Variants in ROBO2 observed in about 807,000 individuals in gnomAD.
ROBO2 encodes roundabout homolog 2.
A neutral mutation model predicts 160.8 loss-of-function variants in ROBO2; 53 were observed. The observed-to-expected ratio is 0.33, with a 90% CI of 0.26 to 0.41. The LOEUF is 0.41. Among genes scored for constraint, ROBO2 ranks in the 10% least tolerant of loss-of-function variants. The pLI, the probability that ROBO2 is intolerant of heterozygous loss-of-function variation, is 1.00. For synonymous variants in ROBO2, 664 were observed against 611.7 expected (o/e 1.09, Z -1.26); for missense variants, 1,577 against 1,722.4 (o/e 0.92, Z 1.49).
intron 2 of ROBO2, among the ~76,000 whole-genome samples, chr3:76,592,434 T>C (rs1225580381): frequency 6.6e-6 from 1 of 152,100 alleles, no homozygotes; most frequent in Non-Finnish European, 1.5e-5. Flanking sequence ...CATCCATACA[T>C]ATTTGCTATG....
chr3:76,392,678 A>G (rs1362411350), intron 2 of ROBO2, among the ~76,000 whole-genome samples: 2 of 152,210 alleles, frequency 1.3e-5, no homozygotes, highest in East Asian at 1.9e-4. Flanking sequence ...TCATGAAACA[A>G]TAAAGAATAA....
chr3:76,265,426 A>G (rs1707038131), intron 2 of ROBO2, among the ~76,000 whole-genome samples: 1 of 152,168 alleles, frequency 6.6e-6, no homozygotes, highest in Admixed American at 6.6e-5. Flanking sequence ...CAGGCTTGAG[A>G]CATTTATTAA....
At chr3:77,228,854 G>A (rs1466875878) in intron 2 of ROBO2, among the ~76,000 whole-genome samples, 2 of 152,160 alleles carry the variant, frequency 1.3e-5, no homozygotes, top group African/African-American at 4.8e-5. Flanking sequence ...CTGCTGAAAT[G>A]CTCAAGTCCA....
intron 24 of ROBO2, among the ~76,000 whole-genome samples, chr3:77,636,020 G>T (rs1220596876): frequency 2.6e-5 from 4 of 152,084 alleles, no homozygotes; most frequent in Non-Finnish European, 5.9e-5. Context: ...AAGGGACAAG[G>T]TTCTCTCTGG....
chr3:76,442,707 G>T (rs2076982427), intron 2 of ROBO2, among the ~76,000 whole-genome samples: 1 of 152,082 alleles, frequency 6.6e-6, no homozygotes, highest in Non-Finnish European at 1.5e-5. Flanking sequence ...ACTCCATTCT[G>T]CCCGGTTAGT....
At chr3:76,063,521 T>A (rs1163393409) in intron 2 of ROBO2, among the ~76,000 whole-genome samples, 2 of 151,920 alleles carry the variant, frequency 1.3e-5, no homozygotes, top group African/African-American at 2.4e-5. Flanking sequence ...TTTTATTTTT[T>A]TTTTTGTAGA....
intron 2 of ROBO2, among the ~76,000 whole-genome samples, chr3:77,124,003 A>C (rs1257209222): frequency 1.3e-5 from 2 of 151,098 alleles, no homozygotes; most frequent in African/African-American, 4.9e-5. Context: ...CTATATAGAT[A>C]TATATATGTT....
intron 2 of ROBO2, among the ~76,000 whole-genome samples, chr3:76,709,452 G>C (rs267162): frequency 5.2e-4 from 79 of 152,150 alleles, no homozygotes; most frequent in African/African-American, 1.7e-3. Flanking sequence ...GGAAGGAAAA[G>C]CTTCTTCAGA....
At chr3:76,709,971 C>T (rs2093255784) in intron 2 of ROBO2, among the ~76,000 whole-genome samples, 2 of 151,906 alleles carry the variant, frequency 1.3e-5, no homozygotes, top group South Asian at 4.2e-4. Context: ...GATCTCAACA[C>T]AACTTTAGAG....
At chr3:76,327,878 A>G (rs1256868543) in intron 2 of ROBO2, among the ~76,000 whole-genome samples, 1 of 151,016 alleles carries the variant, frequency 6.6e-6, no homozygotes, top group African/African-American at 2.4e-5. Context: ...AAGAATGTGA[A>G]AAAAAAAAGT....
At chr3:77,398,400 AACAATCAGAGAGAT>A (rs988959617) in intron 2 of ROBO2, among the ~76,000 whole-genome samples, 1 of 53,008 alleles carries the variant, frequency 1.9e-5, no homozygotes, top group South Asian at 6.3e-4. Flanking sequence ...TTGTTCTTGA[AACAATCAGAGAGAT>A]ACAATCAGAG....
At chr3:77,104,673 T>C (rs1245704569) in intron 2 of ROBO2, among the ~76,000 whole-genome samples, 1 of 151,994 alleles carries the variant, frequency 6.6e-6, no homozygotes, top group Non-Finnish European at 1.5e-5. Context: ...AAGTGTAGAT[T>C]AAATGATATT....
intron 2 of ROBO2, among the ~76,000 whole-genome samples, chr3:77,162,264 G>C (rs1045741417): frequency 1.1e-4 from 17 of 152,036 alleles, no homozygotes; most frequent in African/African-American, 3.9e-4. Flanking sequence ...GTGTATATTT[G>C]TACTGTATTT....
intron 2 of ROBO2, among the ~76,000 whole-genome samples, chr3:76,328,514 CAGG>C (rs2073202646): frequency 6.6e-6 from 1 of 152,108 alleles, no homozygotes; most frequent in African/African-American, 2.4e-5. Flanking sequence ...ATGACAAGAT[CAGG>C]AGATCGAGAC....
intron 2 of ROBO2, among the ~76,000 whole-genome samples, chr3:75,945,647 T>G (rs1948260932): frequency 6.6e-6 from 1 of 152,166 alleles, no homozygotes; most frequent in Non-Finnish European, 1.5e-5. Context: ...TTTAAACTGA[T>G]TGAAATAGGT....
At chr3:77,538,149 A>T (rs938138496) in intron 6 of ROBO2, among the ~76,000 whole-genome samples, 2 of 148,540 alleles carry the variant, frequency 1.3e-5, no homozygotes, top group African/African-American at 5.0e-5. Flanking sequence ...AAGGTAGGTA[A>T]TTTAGCAATT....
chr3:76,598,444 T>C (rs1244960622), intron 2 of ROBO2, among the ~76,000 whole-genome samples: 1 of 152,042 alleles, frequency 6.6e-6, no homozygotes, highest in Non-Finnish European at 1.5e-5. Context: ...CATGCACACA[T>C]GGATTAATGC....
At chr3:76,386,708 C>A (rs186425163) in intron 2 of ROBO2, among the ~76,000 whole-genome samples, 4 of 151,946 alleles carry the variant, frequency 2.6e-5, no homozygotes, top group African/African-American at 9.7e-5. Context: ...GTTTAAAATA[C>A]AAGTAGTCTG....
chr3:76,130,050 TC>T (rs1248807865), intron 2 of ROBO2, among the ~76,000 whole-genome samples: 3 of 152,108 alleles, frequency 2.0e-5, no homozygotes, highest in Non-Finnish European at 4.4e-5. Flanking sequence ...ATTATCATCT[TC>T]ACCCTCCAGA....
Sources: gnomAD v4.1 joint callset for allele counts (sites outside exome capture counted in the v4.1 genomes callset) on GRCh38, gnomAD v4.1.1 for gene constraint, MANE v1.5 for transcripts, NCBI Gene and HGNC (gene_info 2026-07-23, HGNC 2026-07-21) for gene names.